The following PTPRM variants were observed in gnomAD, a reference collection of about 807,000 sequenced individuals.
The protein encoded by PTPRM is protein tyrosine phosphatase receptor type M, also known as receptor-type tyrosine-protein phosphatase mu.
PTPRM carries 47 observed loss-of-function variants against 186.7 expected under a neutral mutation model. That is an observed-to-expected ratio of 0.25 (90% CI 0.20 to 0.32). The LOEUF is 0.32. Among genes scored for constraint, PTPRM ranks in the 10% least tolerant of loss-of-function variants. The probability of loss-of-function intolerance (pLI) is 1.00; values close to 1 mark genes in which losing one functional copy is unlikely to be tolerated. For synonymous variants in PTPRM, 668 were observed against 674.9 expected, an observed-to-expected ratio of 0.99 and a Z score of 0.16; for missense variants, 1,494 against 1,865.0, an observed-to-expected ratio of 0.80 and a Z score of 3.66.
intron 1 of PTPRM, among the ~76,000 whole-genome samples, chr18:7,594,618 C>G (rs2037210192): frequency 6.6e-6 from 1 of 152,140 alleles, no homozygotes; most frequent in Non-Finnish European, 1.5e-5. Flanking sequence ...GAAGGAAATG[C>G]AGAAAGCCTT....
At chr18:7,817,143 T>G (rs534106397) in intron 2 of PTPRM, among the ~76,000 whole-genome samples, 5 of 152,044 alleles carry the variant, frequency 3.3e-5, no homozygotes, top group Admixed American at 3.3e-4. Context: ...CCTGGCTAAT[T>G]TTTGTATTTT....
At chr18:8,306,462 G>A (rs2095222996) in intron 20 of PTPRM, among the ~76,000 whole-genome samples, 1 of 152,160 alleles carries the variant, frequency 6.6e-6, no homozygotes, top group Admixed American at 6.5e-5. Flanking sequence ...GAATAATCAA[G>A]GAAAAGCACC....
At chr18:7,896,464 A>G (rs2049362203) in intron 3 of PTPRM, among the ~76,000 whole-genome samples, 1 of 151,850 alleles carries the variant, frequency 6.6e-6, no homozygotes, top group African/African-American at 2.4e-5. Context: ...GCCCAGTCAG[A>G]GGCCAGGGAG....
rs868555883 is a variant in PTPRM at position 8,118,815 on chromosome 18, T to A, written c.2167+3988T>A. Among the ~76,000 whole-genome samples the A allele has an allele frequency of 7.5e-3, 1,006 of 134,466 alleles. 8 individuals carry two copies. The highest frequency in any genetic ancestry group is 0.021 in the African/African-American group (744 of 35,424). The allele number at this position is 134,466 out of a possible 152,430, so 88.2% of individuals were successfully genotyped here. A position where few individuals can be genotyped will look rare whatever the true frequency, so the allele number is the denominator to read the frequency against. ...ATTCCATCTCAAAAAAAAAAAAATA[T>A]ATATATATATATATATATGAGATTT... On this transcript the variant is annotated intron_variant, in intron 13 of 32. Coordinates refer to ENST00000580170, the MANE Select transcript of PTPRM (RefSeq NM_001105244.2).
intron 7 of PTPRM, among the ~76,000 whole-genome samples, chr18:8,003,915 C>T (rs924956530): frequency 1.3e-5 from 2 of 152,178 alleles, no homozygotes; most frequent in Admixed American, 6.6e-5. Context: ...CTTTTCTTGG[C>T]CATAGAAGCA....
At chr18:8,016,317 C>G (rs1466273775) in intron 7 of PTPRM, among the ~76,000 whole-genome samples, 1 of 151,892 alleles carries the variant, frequency 6.6e-6, no homozygotes, top group African/African-American at 2.4e-5. Flanking sequence ...GTCAGGAGTT[C>G]GAGACCAGCC....
At chr18:7,973,194 T>C (rs1265060710) in intron 7 of PTPRM, among the ~76,000 whole-genome samples, 1 of 152,114 alleles carries the variant, frequency 6.6e-6, no homozygotes, top group East Asian at 1.9e-4. Context: ...TCAGTAAATA[T>C]CTATAAATAT....
chr18:8,374,622 G>A (rs187462747), intron 24 of PTPRM, among the ~76,000 whole-genome samples: 4 of 152,212 alleles, frequency 2.6e-5, no homozygotes, highest in Admixed American at 2.6e-4. Context: ...TACTACTCTG[G>A]GATCACAGAG....
chr18:8,157,429 G>T (rs1265333319), intron 14 of PTPRM, among the ~76,000 whole-genome samples: 1 of 152,200 alleles, frequency 6.6e-6, no homozygotes, highest in Non-Finnish European at 1.5e-5. Flanking sequence ...TTGAGAGGGG[G>T]TCCTCTCTCC....
intron 23 of PTPRM, among the ~76,000 whole-genome samples, chr18:8,368,770 T>G (rs956389349): frequency 2.0e-5 from 3 of 152,356 alleles, no homozygotes; most frequent in African/African-American, 7.2e-5. Flanking sequence ...CTTCCTACAC[T>G]GATCCTATGA....
At chr18:7,859,752 T>C (rs1229234652) in intron 2 of PTPRM, among the ~76,000 whole-genome samples, 1 of 152,224 alleles carries the variant, frequency 6.6e-6, no homozygotes, top group Non-Finnish European at 1.5e-5. Flanking sequence ...GTAGAAATTC[T>C]GCTCCCATGG....
intron 1 of PTPRM, among the ~76,000 whole-genome samples, chr18:7,578,150 T>TATGATGATG (rs1216704176): frequency 1.3e-5 from 2 of 151,552 alleles, no homozygotes; most frequent in African/African-American, 4.9e-5. Context: ...TGATGATGAT[T>TATGATGATG]ATGATGATGA....
chr18:7,578,811 C>A (rs1343118859), intron 1 of PTPRM, among the ~76,000 whole-genome samples: 1 of 152,002 alleles, frequency 6.6e-6, no homozygotes, highest in Non-Finnish European at 1.5e-5. Context: ...ATCAGAGAAC[C>A]AATGCTGTGA....
At chr18:7,947,580 T>C (rs2052623530) in intron 5 of PTPRM, among the ~76,000 whole-genome samples, 1 of 152,152 alleles carries the variant, frequency 6.6e-6, no homozygotes, top group African/African-American at 2.4e-5. Context: ...CTTGCCCACC[T>C]CCCTAGCTCC....
intron 20 of PTPRM, among the ~76,000 whole-genome samples, chr18:8,302,619 G>C (rs1224775363): frequency 6.6e-6 from 1 of 152,086 alleles, no homozygotes; most frequent in Non-Finnish European, 1.5e-5. Flanking sequence ...ATGTTGGCTA[G>C]AAAGAAAATA....
chr18:7,890,257 T>C (rs1486540280), intron 3 of PTPRM, among the ~76,000 whole-genome samples: 1 of 152,158 alleles, frequency 6.6e-6, no homozygotes, highest in East Asian at 1.9e-4. Context: ...TCATTTTTCA[T>C]GTTTAATTGA....
At chr18:7,752,732 G>A (rs1466966458) in intron 1 of PTPRM, among the ~76,000 whole-genome samples, 8 of 152,052 alleles carry the variant, frequency 5.3e-5, no homozygotes, top group African/African-American at 9.7e-5. Flanking sequence ...ATGAGTCACC[G>A]TGCCTGGCCA....
At chr18:7,798,713 C>T (rs1047018636) in intron 2 of PTPRM, among the ~76,000 whole-genome samples, 3 of 151,982 alleles carry the variant, frequency 2.0e-5, no homozygotes, top group Admixed American at 1.3e-4. Context: ...TTCCCTCTTC[C>T]TTTCTCCTTC....
intron 7 of PTPRM, among the ~76,000 whole-genome samples, chr18:8,036,113 A>G (rs1216140535): frequency 6.6e-6 from 1 of 152,204 alleles, no homozygotes; most frequent in Non-Finnish European, 1.5e-5. Flanking sequence ...GGTGGTGGTT[A>G]CTGTGAGAAA....
Sources: allele counts gnomAD v4.1 joint callset (sites outside exome capture counted in the v4.1 genomes callset), GRCh38; gene constraint gnomAD v4.1.1; transcripts MANE v1.5; gene names NCBI Gene and HGNC (gene_info 2026-07-23, HGNC 2026-07-21).